Variants in PRKAR1A observed in about 807,000 individuals in gnomAD.
The protein encoded by PRKAR1A is cAMP-dependent protein kinase type I-alpha regulatory subunit.
In PRKAR1A, 3 loss-of-function variants were observed where a neutral mutation model predicts 52.0. The ratio of observed to expected loss-of-function variants is 0.06; its 90% CI spans 0.03 to 0.15. The LOEUF is 0.15. PRKAR1A is among the 10% of genes least tolerant of loss of function. The probability of loss-of-function intolerance (pLI) is 1.00; values close to 1 mark genes in which losing one functional copy is unlikely to be tolerated. For synonymous variants in PRKAR1A, 188 were observed against 168.4 expected (o/e 1.12, Z -0.90); for missense variants, 240 against 477.4 (o/e 0.50, Z 4.63).
At chr17:68,540,529 A>G (rs753724632) in intron 11 of PRKAR1A, 57 of 491,904 alleles carry the variant, frequency 1.2e-4, no homozygotes, top group Non-Finnish European at 2.3e-4. Context: ...ATATTTGTGT[A>G]CTTTCTTCCC....
At chr17:68,539,230 T>TA in intron 11 of PRKAR1A, 1 of 1,039,856 alleles carries the variant, frequency 9.6e-7, no homozygotes, top group Non-Finnish European at 1.5e-6. Flanking sequence ...TCTACCCACT[T>TA]ACGTCCTGGA....
the PRKAR1A span, among the ~76,000 whole-genome samples, chr17:68,452,645 G>A: frequency 1.1e-4 from 17 of 152,198 alleles, no homozygotes; most frequent in African/African-American, 4.1e-4. Flanking sequence ...ATATAAGCAT[G>A]TGAAAAAGTC....
rs1354249674 is a variant in PRKAR1A, at chr17:68,531,100, T to G, written c.*651T>G. 3.7e-6 allele frequency: 4 copies of G among 1,067,658 alleles called. No homozygotes were observed. Among genetic ancestry groups the G allele is most frequent in the African/African-American group, 3.3e-5 (2 of 61,108 alleles). 66.1% of individuals were successfully genotyped at this position (1,067,658 alleles called of 1,614,324 possible). A position where few individuals can be genotyped will look rare whatever the true frequency, so the allele number is the denominator to read the frequency against. On this transcript the variant is annotated 3_prime_UTR_variant, in exon 11 of 11. Coordinates refer to ENST00000589228, the MANE Select transcript of PRKAR1A (RefSeq NM_002734.5). ...ATTTATATCTTGTTATTAATGTTTC[T>G]TCTCCAATTCTGAAATACTTTTGAG...
chr17:68,520,055 A>G (rs1313979933), intron 2 of PRKAR1A, among the ~76,000 whole-genome samples: 1 of 152,216 alleles, frequency 6.6e-6, no homozygotes, highest in Admixed American at 6.5e-5. Context: ...AGCCTGTCTT[A>G]TGTTCTTGAC....
At chr17:68,470,084 A>AT in the PRKAR1A span, among the ~76,000 whole-genome samples, 1,161 of 141,108 alleles carry the variant, frequency 8.2e-3, 38 homozygotes, top group Admixed American at 0.063. Flanking sequence ...AACATCTTAG[A>AT]TTTTTTTTTT....
chr17:68,435,840 CA>C, the PRKAR1A span: 53 of 819,794 alleles, frequency 6.5e-5, no homozygotes, highest in Non-Finnish European at 9.8e-5. Flanking sequence ...CTCTGTCCCC[CA>C]GGCCATCTGC....
the PRKAR1A span, chr17:68,435,821 T>C: frequency 1.0e-6 from 1 of 970,070 alleles, no homozygotes; most frequent in Non-Finnish European, 1.6e-6. Context: ...TCCAGCTCCC[T>C]GTCTCTTCCT....
At chr17:68,543,025 C>T (rs1006488616) in intron 11 of PRKAR1A, among the ~76,000 whole-genome samples, 4 of 152,110 alleles carry the variant, frequency 2.6e-5, no homozygotes, top group Admixed American at 6.5e-5. Context: ...GAAAATGAAT[C>T]CTTATTCCGT....
the PRKAR1A span, among the ~76,000 whole-genome samples, chr17:68,497,917 G>A: frequency 3.3e-5 from 5 of 152,168 alleles, no homozygotes; most frequent in Admixed American, 1.3e-4. Context: ...AAATAATTAA[G>A]GGGAAAAACT....
At chr17:68,519,325 C>T (rs539902509) in intron 2 of PRKAR1A, among the ~76,000 whole-genome samples, 4 of 152,240 alleles carry the variant, frequency 2.6e-5, no homozygotes, top group South Asian at 4.2e-4. Context: ...GGGCAGGCCT[C>T]GGGAAGCTAC....
At chr17:68,524,780 C>T in intron 5 of PRKAR1A, 132 bp from the exon 6 acceptor site, 6 of 738,182 alleles carry the variant, frequency 8.1e-6, no homozygotes, top group South Asian at 3.3e-5. Flanking sequence ...TTTTCTTTCC[C>T]CTGAAAGATT....
At chr17:68,527,383 G>A (rs2085825307) in intron 7 of PRKAR1A, among the ~76,000 whole-genome samples, 2 of 152,284 alleles carry the variant, frequency 1.3e-5, no homozygotes, top group African/African-American at 4.8e-5. Flanking sequence ...GGATTATTGG[G>A]TTGTAAATGA....
intron 2 of PRKAR1A, among the ~76,000 whole-genome samples, chr17:68,522,253 A>G (rs377046632): frequency 2.6e-5 from 4 of 152,254 alleles, no homozygotes; most frequent in African/African-American, 9.6e-5. Flanking sequence ...GCAGATCCAG[A>G]AAATGGCTTA....
the PRKAR1A span, among the ~76,000 whole-genome samples, chr17:68,495,358 C>G: frequency 6.6e-6 from 1 of 152,122 alleles, no homozygotes; most frequent in Non-Finnish European, 1.5e-5. Flanking sequence ...GTTCCTGAAC[C>G]AACTATAGTC....
the PRKAR1A span, among the ~76,000 whole-genome samples, chr17:68,478,718 A>G: frequency 1.4e-5 from 2 of 139,756 alleles, no homozygotes; most frequent in South Asian, 4.5e-4. Flanking sequence ...TAGTATGTAT[A>G]TGTTGGACAG....
In PRKAR1A at chr17:68,533,145, T is replaced by C; in HGVS notation, c.*2696T>C. On this transcript the variant is annotated 3_prime_UTR_variant, in exon 11 of 11. Transcript: ENST00000589228. Reference sequence around the variant, plus strand: ...GTTTAAATTTAATATATACATTTAATGTTACTTAGGGATACTTTTATATTT... The same window carrying C: ...GTTTAAATTTAATATATACATTTAACGTTACTTAGGGATACTTTTATATTT... 1 of 1,059,510 alleles carries C rather than the reference T, an allele frequency of 9.4e-7. No homozygotes were observed. Among genetic ancestry groups the C allele is most frequent in the South Asian group, 4.6e-5 (1 of 21,876 alleles). The allele number at this position is 1,059,510 out of a possible 1,614,324, so 65.6% of individuals were successfully genotyped here.
chr17:68,476,655 CCT>C, the PRKAR1A span, among the ~76,000 whole-genome samples: 4 of 149,740 alleles, frequency 2.7e-5, no homozygotes, highest in Non-Finnish European at 3.0e-5. Flanking sequence ...TCCATCCCTC[CCT>C]CTCTCTCTCT....
At chr17:68,433,794 T>C in the PRKAR1A span, among the ~76,000 whole-genome samples, 2 of 84,976 alleles carry the variant, frequency 2.4e-5, no homozygotes, top group Admixed American at 3.2e-4. Context: ...TTTTTTTTTT[T>C]TTTTGAGACA....
At chr17:68,544,287 G>T (rs1221132043) in intron 11 of PRKAR1A, among the ~76,000 whole-genome samples, 3 of 152,160 alleles carry the variant, frequency 2.0e-5, no homozygotes, top group Non-Finnish European at 4.4e-5. Flanking sequence ...AGGGCTGGGG[G>T]CAGCTGGTGC....
Sources: gnomAD v4.1 joint callset for allele counts (sites outside exome capture counted in the v4.1 genomes callset) on GRCh38, gnomAD v4.1.1 for gene constraint, MANE v1.5 for transcripts, NCBI Gene and HGNC (gene_info 2026-07-23, HGNC 2026-07-21) for gene names.